Variants in CCDC14 observed in about 807,000 individuals in gnomAD.
CCDC14 encodes the protein coiled-coil domain containing 14, also known as coiled-coil domain-containing protein 14.
Under a neutral mutation model 81.4 loss-of-function variants are expected in CCDC14, and 71 were observed. The observed-to-expected ratio is 0.87, with a 90% CI of 0.72 to 1.06. CCDC14 has a LOEUF of 1.06. CCDC14 is among the 50% of genes least tolerant of loss of function. The pLI, the probability that CCDC14 is intolerant of heterozygous loss-of-function variation, is 0.00. For synonymous variants in CCDC14, 332 were observed against 364.8 expected (o/e 0.91, Z 1.03); for missense variants, 1,046 against 1,047.3 (o/e 1.00, Z 0.02).
At chr3:123,924,952 T>C (rs1006335285) in intron 12 of CCDC14, among the ~76,000 whole-genome samples, 11 of 130,930 alleles carry the variant, frequency 8.4e-5, no homozygotes, top group African/African-American at 3.4e-4. Flanking sequence ...TGTATACATA[T>C]ATACACACAC....
the CCDC14 span, among the ~76,000 whole-genome samples, chr3:123,889,209 A>G: frequency 6.6e-6 from 1 of 152,202 alleles, no homozygotes; most frequent in Non-Finnish European, 1.5e-5. Context: ...CAGGAGTTCA[A>G]GACCAGCCTG....
intron 1 of CCDC14, 94 bp downstream of exon 1, chr3:123,961,050 C>T (rs1166749977): frequency 2.6e-6 from 3 of 1,137,876 alleles, no homozygotes; most frequent in Non-Finnish European, 3.7e-6. Context: ...TTGTCTTTGT[C>T]TTTTTTCGAG....
intron 12 of CCDC14, among the ~76,000 whole-genome samples, chr3:123,928,416 G>T (rs1220679863): frequency 6.6e-6 from 1 of 151,474 alleles, no homozygotes; most frequent in African/African-American, 2.4e-5. Flanking sequence ...TGAGGCAGGA[G>T]AATGGCGTGA....
At chr3:123,908,451 G>C (rs920614272), downstream of CCDC14, among the ~76,000 whole-genome samples, 1 of 152,084 alleles carries the variant, frequency 6.6e-6, no homozygotes, top group Admixed American at 6.6e-5. Flanking sequence ...AGAATCACTA[G>C]GTCACCTGAC....
chr3:123,885,384 A>G, the CCDC14 span, among the ~76,000 whole-genome samples: 1 of 151,532 alleles, frequency 6.6e-6, no homozygotes, highest in Non-Finnish European at 1.5e-5. Context: ...CCTCCTCCCA[A>G]AAGTAACCAC....
chr3:123,948,689 A>C lies in CCDC14; in HGVS notation c.684+2T>G. ...CTTATGTAGTATAAGAACTGTACGCACAGAATGAACCTTTGGAGGGCAGGG... is the reference window on the plus strand; with the variant it reads ...CTTATGTAGTATAAGAACTGTACGCCCAGAATGAACCTTTGGAGGGCAGGG... On this transcript the variant is annotated splice_donor_variant, in intron 7 of 12. Coordinates refer to ENST00000409697, the MANE Select transcript of CCDC14 (RefSeq NM_001366335.1). LOFTEE classifies it high-confidence loss of function. 1.3e-6 allele frequency: 2 copies of C among 1,594,948 alleles called. No homozygotes were observed. Among genetic ancestry groups the C allele is most frequent in the Non-Finnish European group, 1.7e-6 (2 of 1,173,328 alleles).
chr3:123,916,301 G>A (rs934412665), intron 12 of CCDC14, among the ~76,000 whole-genome samples: 1 of 151,930 alleles, frequency 6.6e-6, no homozygotes, highest in African/African-American at 2.4e-5. Flanking sequence ...ACCCAGCCGA[G>A]ATGGTTTATT....
intron 7 of CCDC14, 50 bp from the exon 8 acceptor site, chr3:123,947,369 G>C (rs745420494): frequency 7.4e-7 from 1 of 1,357,318 alleles, no homozygotes. Context: ...CTCATTTGTA[G>C]GTATTAATTA....
chr3:123,933,633 C>T (rs1320028595), intron 10 of CCDC14, 40 bp downstream of exon 10: 3 of 1,361,278 alleles, frequency 2.2e-6, no homozygotes, highest in African/African-American at 1.5e-5. Context: ...ATTTCCGGAG[C>T]CACAAATAAT....
intron 9 of CCDC14, among the ~76,000 whole-genome samples, 185 bp downstream of exon 9, chr3:123,944,664 C>T (rs1359766164): frequency 1.3e-5 from 2 of 152,080 alleles, no homozygotes; most frequent in Non-Finnish European, 2.9e-5. Flanking sequence ...AAAATACATA[C>T]AAGTGGGCAG....
intron 5 of CCDC14, chr3:123,954,341 A>G (rs1364838862): frequency 2.0e-5 from 3 of 152,196 alleles, no homozygotes; most frequent in African/African-American, 7.2e-5. Flanking sequence ...CAGCACAAAA[A>G]CAGCTAATAA....
chr3:123,915,779 T>A, intron 12 of CCDC14, 61 bp from the exon 13 acceptor site: 1 of 1,236,874 alleles, frequency 8.1e-7, no homozygotes, highest in Non-Finnish European at 1.1e-6. Flanking sequence ...AATTCACTTA[T>A]CTATACCTCC....
intron 1 of CCDC14, among the ~76,000 whole-genome samples, chr3:123,960,308 C>T (rs1302586433): frequency 1.3e-5 from 2 of 152,150 alleles, no homozygotes; most frequent in Non-Finnish European, 1.5e-5. Flanking sequence ...AATCCATACC[C>T]TGTGAGTTAT....
At chr3:123,942,942 C>T (rs1025746709) in intron 9 of CCDC14, among the ~76,000 whole-genome samples, 6 of 151,932 alleles carry the variant, frequency 3.9e-5, no homozygotes, top group African/African-American at 1.2e-4. Flanking sequence ...AAGAATTTTA[C>T]TTTTTTCTAT....
rs1335127492 is a variant in CCDC14, at chr3:123,946,970, T to C, written c.1034A>G (p.Glu345Gly). The C allele has an allele frequency of 6.2e-7, 1 of 1,614,020 alleles. No homozygotes were observed. The change falls in exon 8 of 13, where the codon GAG (glutamate) becomes GGG (glycine). Residue 345 changes from glutamate to glycine, a missense_variant. Coordinates refer to ENST00000409697, the MANE Select transcript of CCDC14 (RefSeq NM_001366335.1). ...LATNEEKCAR[E>G]QIREATSERK... ...TTCACTTGTGGCCTCTCTAATTTGC[T>C]CTCTGGCACATTTTTCTTCATTAGT...
At chr3:123,955,744 T>G (rs1480602795) in intron 5 of CCDC14, 99 bp downstream of exon 5, 6 of 1,132,874 alleles carry the variant, frequency 5.3e-6, no homozygotes, top group Non-Finnish European at 7.2e-6. Flanking sequence ...TAACTAATAC[T>G]GATTATTAAA....
chr3:123,921,284 G>A (rs938677369), intron 12 of CCDC14, among the ~76,000 whole-genome samples: 6 of 152,200 alleles, frequency 3.9e-5, no homozygotes, highest in East Asian at 1.9e-4. Context: ...CTGCTTACAC[G>A]AGGCTCACTC....
chr3:123,950,297 T>C (rs1483591874), intron 5 of CCDC14, among the ~76,000 whole-genome samples: 1 of 152,180 alleles, frequency 6.6e-6, no homozygotes, highest in Non-Finnish European at 1.5e-5. Context: ...TATACACCAA[T>C]AGAAATGAGT....
the CCDC14 span, among the ~76,000 whole-genome samples, chr3:123,891,165 C>A: frequency 5.7e-3 from 869 of 152,298 alleles, 8 homozygotes; most frequent in African/African-American, 0.019. Flanking sequence ...GATCCTGGGC[C>A]TGGTCCATGA....
Sources: gnomAD v4.1 joint callset for allele counts (sites outside exome capture counted in the v4.1 genomes callset) on GRCh38, gnomAD v4.1.1 for gene constraint, MANE v1.5 for transcripts, NCBI Gene and HGNC (gene_info 2026-07-23, HGNC 2026-07-21) for gene names.